Variants in SLIT3 observed in about 807,000 individuals in gnomAD.
SLIT3 encodes the protein slit homolog 3 protein.
A neutral mutation model predicts 184.0 loss-of-function variants in SLIT3; 68 were observed. The ratio of observed to expected loss-of-function variants is 0.37; its 90% CI spans 0.30 to 0.45. The LOEUF (loss-of-function observed/expected upper bound fraction) is 0.45, where lower values mean the gene tolerates loss of function less well. SLIT3 is among the 20% of genes least tolerant of loss of function. SLIT3 has a pLI of 1.00. For missense variants in SLIT3, 1,707 were observed against 2,026.0 expected (o/e 0.84, Z 3.02); for synonymous variants, 831 against 828.6 (o/e 1.00, Z -0.05).
intron 4 of SLIT3, among the ~76,000 whole-genome samples, chr5:169,102,559 G>A (rs985589190): frequency 1.3e-5 from 2 of 152,058 alleles, no homozygotes; most frequent in South Asian, 2.1e-4. Context: ...TTTAAAATTT[G>A]TATTATTTTT....
chr5:169,100,346 G>C (rs895412751), intron 4 of SLIT3, among the ~76,000 whole-genome samples: 21 of 152,284 alleles, frequency 1.4e-4, no homozygotes, highest in African/African-American at 5.1e-4. Flanking sequence ...AAAGATTTGT[G>C]AACTGGGGTC....
At position 168,666,401 on chromosome 5, in the gene SLIT3, T is replaced by TC; in HGVS notation, c.*52dup. ...ATCACCAGGGGGTCCCACATGGCTG[T>TC]CCCAACTCCATCAAGCTGGAGTCCG... On this transcript the variant is annotated 3_prime_UTR_variant, in exon 36 of 36. Transcript: ENST00000519560. The TC allele has an allele frequency of 6.7e-7, 1 of 1,491,844 alleles. No individual in the cohort carries two copies. The highest frequency in any genetic ancestry group is 8.9e-7 in the Non-Finnish European group (1 of 1,122,588). The allele number at this position is 1,491,844 out of a possible 1,614,324, so 92.4% of individuals were successfully genotyped here.
intron 32 of SLIT3, among the ~76,000 whole-genome samples, chr5:168,683,144 A>T (rs1761639341): frequency 6.6e-6 from 1 of 151,950 alleles, no homozygotes. Flanking sequence ...GGTGGGTGGA[A>T]CACCTGAGGT....
At chr5:169,161,277 A>G (rs1361650911) in intron 4 of SLIT3, among the ~76,000 whole-genome samples, 1 of 152,128 alleles carries the variant, frequency 6.6e-6, no homozygotes, top group Non-Finnish European at 1.5e-5. Flanking sequence ...GCCATTTCCC[A>G]TGACATAGCT....
Position 169,021,462 on chromosome 5 carries a change from T to G in SLIT3, c.414-138126A>C, listed in dbSNP as rs1442256752. ...TCCTCCCCAGTTCAAGTGATTCTCCTGCCTCAGCCTCCAGAGTTGCTGGGA... is the reference window on the plus strand; with the variant it reads ...TCCTCCCCAGTTCAAGTGATTCTCCGGCCTCAGCCTCCAGAGTTGCTGGGA... On this transcript the variant is annotated intron_variant, in intron 4 of 35. Transcript: ENST00000519560. 3.9e-5 allele frequency among the ~76,000 whole-genome samples: 6 copies of G among 152,176 alleles called. No homozygotes were observed. In the East Asian group the frequency reaches 1.2e-3, roughly 29 times the overall value.
Position 168,669,972 on chromosome 5 carries a change from C to A in SLIT3, c.4147G>T (p.Val1383Leu). ...LGHRCHHGKC[V>L]ATGTSYMCKC... ...CACATGTATGAGGTCCCAGTTGCCA[C>A]ACATTTTCCATGGTGGCATCTAGGG... The change falls in exon 35 of 36, where the codon GTG (valine) becomes TTG (leucine). Residue 1383 changes from valine (V) to leucine (L), a missense_variant. Around this residue, in one of 3 missense-constraint regions of SLIT3, gnomAD observed 387 missense variants for 477.9 expected, o/e 0.81. Transcript: ENST00000519560. 6.2e-7 allele frequency: 1 copy of A among 1,614,154 alleles called. No homozygotes were observed. Among genetic ancestry groups the A allele is most frequent in the Non-Finnish European group, 8.5e-7 (1 of 1,180,024 alleles).
intron 6 of SLIT3, among the ~76,000 whole-genome samples, chr5:168,839,139 G>C (rs985813491): frequency 8.5e-5 from 13 of 152,128 alleles, no homozygotes; most frequent in African/African-American, 2.9e-4. Flanking sequence ...ATTGCCTCTG[G>C]GGTGTCCTTG....
chr5:168,775,038 A>ATTTT lies in SLIT3; in HGVS notation c.1152-664_1152-661dup, dbSNP rs34335250. Among the ~76,000 whole-genome samples, 5 of 135,588 alleles carry ATTTT rather than the reference A, an allele frequency of 3.7e-5. 1 individual carries two copies. Among genetic ancestry groups the ATTTT allele is most frequent in the African/African-American group, 5.5e-5 (2 of 36,372 alleles). 89.0% of individuals were successfully genotyped at this position (135,588 alleles called of 152,430 possible). ...CACTACCCTTGAGTCCCACCACTGC[A>ATTTT]TTTTTTTTTTTTTTTTGAGATGGAG... On this transcript the variant is annotated intron_variant, in intron 12 of 35. Coordinates refer to ENST00000519560, the MANE Select transcript of SLIT3 (RefSeq NM_003062.4).
chr5:169,106,100 G>A (rs1760197232), intron 4 of SLIT3, among the ~76,000 whole-genome samples: 2 of 152,068 alleles, frequency 1.3e-5, no homozygotes, highest in African/African-American at 4.8e-5. Flanking sequence ...ATGAATGCCT[G>A]GCTTAATACC....
chr5:168,977,984 C>A (rs1754825136), intron 4 of SLIT3, among the ~76,000 whole-genome samples: 1 of 152,182 alleles, frequency 6.6e-6, no homozygotes, highest in African/African-American at 2.4e-5. Flanking sequence ...CTCTCGCTCC[C>A]ATTTCTAGTT....
intron 20 of SLIT3, among the ~76,000 whole-genome samples, chr5:168,733,029 G>C (rs918953303): frequency 6.6e-6 from 1 of 151,948 alleles, no homozygotes; most frequent in Non-Finnish European, 1.5e-5. Context: ...ACAACCTGCA[G>C]GATGGGAAAA....
At chr5:168,744,221 GGAGCTTGCAGT>G (rs1472989006) in intron 20 of SLIT3, among the ~76,000 whole-genome samples, 56 of 152,174 alleles carry the variant, frequency 3.7e-4, no homozygotes, top group African/African-American at 1.3e-3. Flanking sequence ...CCCAGGAGGT[GGAGCTTGCAGT>G]GAGCCGAGAT....
intron 4 of SLIT3, among the ~76,000 whole-genome samples, chr5:168,896,775 G>C (rs1012146420): frequency 8.5e-5 from 13 of 152,190 alleles, no homozygotes; most frequent in Admixed American, 3.9e-4. Flanking sequence ...GGAAAAGAAG[G>C]GGGGCCTGAA....
Position 168,684,374 on chromosome 5 carries a change from C to T in SLIT3, c.3556-278G>A, listed in dbSNP as rs576942851. ...CATATATTAATGTATGTCAGGAGGC[C>T]CGAACTCTAATCTGCCCTCTCCCTC... On this transcript the variant is annotated intron_variant, in intron 31 of 35. Transcript: ENST00000519560. Among the ~76,000 whole-genome samples the T allele has an allele frequency of 3.9e-5, 6 of 152,282 alleles. No homozygotes were observed. In the East Asian group the frequency reaches 1.2e-3, roughly 29 times the overall value.
At chr5:169,023,228 T>G (rs1017250572) in intron 4 of SLIT3, among the ~76,000 whole-genome samples, 1 of 152,076 alleles carries the variant, frequency 6.6e-6, no homozygotes, top group Non-Finnish European at 1.5e-5. Flanking sequence ...CACTCAGGCT[T>G]TGGTATGAGC....
chr5:168,828,011 C>A (rs1402935156), intron 6 of SLIT3, among the ~76,000 whole-genome samples: 1 of 152,176 alleles, frequency 6.6e-6, no homozygotes, highest in Admixed American at 6.5e-5. Flanking sequence ...AGAACTGAAC[C>A]ATCCTGTCTC....
chr5:169,225,455 C>T (rs1302952022), intron 3 of SLIT3, among the ~76,000 whole-genome samples: 2 of 152,198 alleles, frequency 1.3e-5, no homozygotes, highest in African/African-American at 2.4e-5. Flanking sequence ...GCAAACATCA[C>T]CAAGTGTGGG....
intron 4 of SLIT3, among the ~76,000 whole-genome samples, chr5:168,925,263 T>G (rs1192998791): frequency 6.6e-6 from 1 of 152,122 alleles, no homozygotes; most frequent in Non-Finnish European, 1.5e-5. Context: ...TGGGAGTAAC[T>G]TGCAGGAATA....
intron 7 of SLIT3, among the ~76,000 whole-genome samples, chr5:168,822,500 A>G (rs1480173818): frequency 6.6e-6 from 1 of 152,156 alleles, no homozygotes; most frequent in African/African-American, 2.4e-5. Context: ...CAAGCCAAGT[A>G]TCAAGTCTGA....
Sources: gnomAD v4.1 joint callset for allele counts (sites outside exome capture counted in the v4.1 genomes callset) on GRCh38, gnomAD v4.1.1 for gene constraint, gnomAD v4.1.1 regional missense constraint, MANE v1.5 for transcripts, NCBI Gene and HGNC (gene_info 2026-07-23, HGNC 2026-07-21) for gene names.